Variants in EPM2A observed in about 807,000 individuals in gnomAD.
EPM2A encodes the protein laforin.
EPM2A carries 21 observed loss-of-function variants against 26.5 expected under a neutral mutation model. That is an observed-to-expected ratio of 0.79 (90% CI 0.56 to 1.14). The LOEUF (loss-of-function observed/expected upper bound fraction) is 1.14, where lower values mean the gene tolerates loss of function less well. Among genes scored for constraint, EPM2A ranks in the 50% most tolerant of loss-of-function variants. The pLI is 0.00. For synonymous variants in EPM2A, 217 were observed against 177.6 expected (o/e 1.22, Z -1.76); for missense variants, 458 against 440.8 (o/e 1.04, Z -0.35).
chr6:145,428,512 A>T (rs759247317), intron 4 of EPM2A, among the ~76,000 whole-genome samples: 25 of 152,124 alleles, frequency 1.6e-4, no homozygotes, highest in Non-Finnish European at 3.5e-4. Flanking sequence ...AGCACTAGCT[A>T]CTCCTCATTG....
rs1779280847 is a variant in EPM2A, at chr6:145,457,820, C to T, written c.555+44702G>A. ...AAAATATGTGATTCACATGATAAAA[C>T]CTTTGTATTTGTAATATGTGTCAAG... On this transcript the variant is annotated intron_variant, in intron 4 of 4. Coordinates refer to the EPM2A transcript ENST00000638717. Among the ~76,000 whole-genome samples the T allele has an allele frequency of 2.0e-5, 3 of 152,168 alleles. No homozygotes were observed. The South Asian group carries it at 6.2e-4, about 31-fold the overall frequency.
intron 2 of EPM2A, among the ~76,000 whole-genome samples, chr6:145,530,348 C>T (rs371974720): frequency 7.2e-5 from 11 of 152,176 alleles, no homozygotes; most frequent in Admixed American, 2.6e-4. Flanking sequence ...AGTTTATTAA[C>T]GAATTTACAT....
In EPM2A at chr6:145,719,301, G is replaced by A. The variant is rs542971492; in HGVS notation, c.301+15897C>T. On this transcript the variant is annotated intron_variant, in intron 1 of 3. Transcript: ENST00000367519. ...GGAATACTATGCAGCCATAAAAAAT[G>A]ATGAGTTCATGTCCTTTGTAGGGAC... 2.5e-3 allele frequency among the ~76,000 whole-genome samples: 370 copies of A among 149,828 alleles called. 2 individuals are homozygous for A. Among genetic ancestry groups the A allele is most frequent in the African/African-American group, 8.9e-3 (362 of 40,594 alleles).
intron 4 of EPM2A, among the ~76,000 whole-genome samples, chr6:145,451,629 G>A (rs907680730): frequency 4.6e-5 from 7 of 152,058 alleles, no homozygotes; most frequent in East Asian, 1.9e-4. Context: ...CTATAAAGCC[G>A]GACATTAAAT....
intron 2 of EPM2A, among the ~76,000 whole-genome samples, chr6:145,648,141 A>C (rs1777622358): frequency 6.6e-6 from 1 of 152,134 alleles, no homozygotes; most frequent in African/African-American, 2.4e-5. Flanking sequence ...TCTTCTTTAA[A>C]GTCTTCTGTT....
At chr6:145,430,214 C>G (rs530599912) in intron 4 of EPM2A, among the ~76,000 whole-genome samples, 1 of 151,108 alleles carries the variant, frequency 6.6e-6, no homozygotes, top group Non-Finnish European at 1.5e-5. Context: ...TAAAAATAAA[C>G]GATGTTCAAA....
At chr6:145,651,048 C>T (rs1448495182) in intron 2 of EPM2A, among the ~76,000 whole-genome samples, 1 of 152,110 alleles carries the variant, frequency 6.6e-6, no homozygotes, top group African/African-American at 2.4e-5. Flanking sequence ...TTTATCTTAA[C>T]ATGAAAGAAA....
intron 4 of EPM2A, among the ~76,000 whole-genome samples, chr6:145,444,796 C>T (rs6930798): frequency 0.64 from 97,824 of 152,056 alleles, 32,981 homozygotes; most frequent in East Asian, 0.86. Flanking sequence ...ATTATAAATA[C>T]GGTAACTCTG....
intron 2 of EPM2A, among the ~76,000 whole-genome samples, chr6:145,685,495 A>C (rs1248391750): frequency 6.6e-6 from 1 of 152,164 alleles, no homozygotes; most frequent in Admixed American, 6.5e-5. Flanking sequence ...ATTAACAAGC[A>C]ACACATATGC....
At chr6:145,401,890 T>G (rs1361979419) in intron 4 of EPM2A, among the ~76,000 whole-genome samples, 1 of 151,656 alleles carries the variant, frequency 6.6e-6, no homozygotes, top group African/African-American at 2.4e-5. Context: ...AATTAGTGAG[T>G]CAATGCTAAT....
At chr6:145,594,022 T>C (rs371598113) in intron 2 of EPM2A, among the ~76,000 whole-genome samples, 2 of 151,732 alleles carry the variant, frequency 1.3e-5, no homozygotes, top group African/African-American at 4.8e-5. Context: ...CCAGGATAGC[T>C]TAGAGAGAGA....
At chr6:145,643,657 C>T (rs1206638131) in intron 2 of EPM2A, among the ~76,000 whole-genome samples, 1 of 151,996 alleles carries the variant, frequency 6.6e-6, no homozygotes, top group East Asian at 1.9e-4. Context: ...GTCTTTATTT[C>T]AGCTCCAAAA....
intron 4 of EPM2A, among the ~76,000 whole-genome samples, chr6:145,459,699 C>CATACTATACTATACT (rs59239067): frequency 6.6e-6 from 1 of 151,206 alleles, no homozygotes; most frequent in African/African-American, 2.4e-5. Flanking sequence ...CTTCTTTTAG[C>CATACTATACTATACT]ATACTATACT....
At chr6:145,559,173 A>G (rs1436107780) in intron 2 of EPM2A, among the ~76,000 whole-genome samples, 4 of 152,134 alleles carry the variant, frequency 2.6e-5, no homozygotes, top group African/African-American at 9.7e-5. Flanking sequence ...AGGGTGATTT[A>G]GTTTATCTCA....
intron 2 of EPM2A, among the ~76,000 whole-genome samples, chr6:145,604,748 G>C (rs1781460095): frequency 6.6e-6 from 1 of 152,116 alleles, no homozygotes. Flanking sequence ...AGAAATAGAA[G>C]AGAAAACGAA....
chr6:145,718,422 A>G (rs2128636624), intron 1 of EPM2A, among the ~76,000 whole-genome samples: 1 of 151,354 alleles, frequency 6.6e-6, no homozygotes, highest in East Asian at 1.9e-4. Context: ...CCATATGTAG[A>G]AAGCTGAAAC....
At chr6:145,731,652 T>TA (rs1447695370) in intron 1 of EPM2A, among the ~76,000 whole-genome samples, 2 of 151,954 alleles carry the variant, frequency 1.3e-5, no homozygotes, top group Non-Finnish European at 2.9e-5. Context: ...GGAGGGAACT[T>TA]AGAGGATGAG....
chr6:145,497,851 G>T (rs2114747779), downstream of EPM2A, among the ~76,000 whole-genome samples: 1 of 152,330 alleles, frequency 6.6e-6, no homozygotes, highest in Admixed American at 6.5e-5. Context: ...GCCTTACTGG[G>T]GTATTGCTTC....
intron 2 of EPM2A, among the ~76,000 whole-genome samples, chr6:145,508,081 G>T (rs557946883): frequency 6.6e-6 from 1 of 152,318 alleles, no homozygotes; most frequent in Non-Finnish European, 1.5e-5. Flanking sequence ...TGAGCATGGT[G>T]CCAGCCACAT....
Sources: allele counts gnomAD v4.1 joint callset (sites outside exome capture counted in the v4.1 genomes callset), GRCh38; gene constraint gnomAD v4.1.1; transcripts MANE v1.5; gene names NCBI Gene and HGNC (gene_info 2026-07-23, HGNC 2026-07-21).